Variants in TARBP1 observed in about 807,000 individuals in gnomAD.
The protein encoded by TARBP1 is tRNA (guanosine(18)-2'-O)-methyltransferase TARBP1.
In TARBP1, 144 loss-of-function variants were observed where a neutral mutation model predicts 178.6. That is an observed-to-expected ratio of 0.81 (90% confidence interval 0.70 to 0.93). The LOEUF is 0.93. Among genes scored for constraint, TARBP1 ranks in the 40% least tolerant of loss-of-function variants. TARBP1 has a pLI of 0.00. For synonymous variants in TARBP1, 787 were observed against 781.0 expected (o/e 1.01, Z -0.13); for missense variants, 2,067 against 2,011.7 (o/e 1.03, Z -0.53).
chr1:234,427,978 A>G (rs1445213639), intron 17 of TARBP1, among the ~76,000 whole-genome samples: 2 of 152,218 alleles, frequency 1.3e-5, no homozygotes, highest in Admixed American at 6.5e-5. Context: ...ACTGATAGTG[A>G]TATTCATCCA....
intron 14 of TARBP1, 126 bp downstream of exon 14, chr1:234,433,284 G>T: frequency 1.0e-6 from 1 of 973,866 alleles, no homozygotes. Flanking sequence ...TCACTAGAGG[G>T]TATATTTTAA....
At chr1:234,435,825 A>C (rs1049864703) in intron 13 of TARBP1, among the ~76,000 whole-genome samples, 1 of 152,200 alleles carries the variant, frequency 6.6e-6, no homozygotes, top group Non-Finnish European at 1.5e-5. Flanking sequence ...ACCGAAGATC[A>C]TATCTCTTTC....
At position 234,478,887 on chromosome 1, in the gene TARBP1, G is replaced by A. The variant is rs1001899071; in HGVS notation, c.217C>T (p.Leu73=). Residue 73 remains leucine, a synonymous_variant, in exon 1 of 30, where the codon CTG becomes TTG. Coordinates refer to ENST00000040877, the MANE Select transcript of TARBP1 (RefSeq NM_005646.4). The part of the protein sequence containing the change: ...EVAAGYLVPL[L]RSLRGRPAGG... Reference sequence around the variant, plus strand: ...GCGGGGCGTCCGCGCAGGCTCCGCAGCAGTGGCACGAGGTACCCTGCAGCC... The same window carrying A: ...GCGGGGCGTCCGCGCAGGCTCCGCAACAGTGGCACGAGGTACCCTGCAGCC... 4.3e-5 allele frequency: 58 copies of A among 1,361,092 alleles called. No individual in the cohort carries two copies. Among genetic ancestry groups the A allele is most frequent in the Non-Finnish European group, 5.5e-5 (58 of 1,063,402 alleles). 84.3% of individuals were successfully genotyped at this position (1,361,092 alleles called of 1,614,324 possible).
chr1:234,395,415 G>A (rs762245397), intron 26 of TARBP1, among the ~76,000 whole-genome samples: 13 of 152,210 alleles, frequency 8.5e-5, no homozygotes, highest in Non-Finnish European at 1.6e-4. Flanking sequence ...GACAAGGCAA[G>A]AGGGGCTAAA....
Position 234,433,407 on chromosome 1 carries a change from T to G in TARBP1, c.2394+3A>C. 1 of 1,613,486 alleles carries G rather than the reference T, an allele frequency of 6.2e-7. No homozygotes were observed. Among genetic ancestry groups the G allele is most frequent in the Admixed American group, 1.7e-5 (1 of 59,742 alleles). On this transcript the variant is annotated splice_donor_region_variant and intron_variant, in intron 14 of 29. Transcript: ENST00000040877. Reference sequence around the variant, plus strand: ...CTACAAACCTTGAATCAAAGAGGCTTACCTGTCCACTGTCCATCTCTTGAA... The same window carrying G: ...CTACAAACCTTGAATCAAAGAGGCTGACCTGTCCACTGTCCATCTCTTGAA...
chr1:234,434,636 T>C (rs1055982473), intron 13 of TARBP1, among the ~76,000 whole-genome samples: 3 of 152,202 alleles, frequency 2.0e-5, no homozygotes, highest in African/African-American at 7.2e-5. Context: ...GACACCATCA[T>C]AGAGCAAGCA....
At position 234,429,534 on chromosome 1, in the gene TARBP1, A is replaced by G. The variant is rs760303520; in HGVS notation, c.2753T>C (p.Phe918Ser). 1 of 1,614,170 alleles carries G rather than the reference A, an allele frequency of 6.2e-7. No homozygotes were observed. ...PTTGSEILEP[F>S]LPAVQMPIRT... ...TATTGGCATCTGAACGGCAGGTAGA[A>G]ACGGTTCCAGAATTTCACTCCCTGT... The change falls in exon 16 of 30, where the codon TTT (phenylalanine) becomes TCT (serine). Residue 918 changes from phenylalanine (F) to serine (S), a missense_variant. Phe to Ser is a radical substitution (Grantham distance 155). Transcript: ENST00000040877.
chr1:234,392,886 T>A (rs1052746283), intron 28 of TARBP1, among the ~76,000 whole-genome samples: 4 of 152,050 alleles, frequency 2.6e-5, no homozygotes, highest in Admixed American at 6.6e-5. Context: ...AATTTTTTTT[T>A]ATTTTTTATT....
Position 234,467,706 on chromosome 1 carries a change from A to G in TARBP1, c.1100-56T>C, listed in dbSNP as rs77758335. On this transcript the variant is annotated intron_variant, in intron 3 of 29. Transcript: ENST00000040877. ...TGATTCTGTCTTCATTTCACCATCA[A>G]GACTACATACTCATAAATAATGTAC... 1.8e-4 allele frequency: 258 copies of G among 1,469,168 alleles called. No homozygotes were observed. The East Asian group carries it at 5.6e-3, about 32-fold the overall frequency. 91.0% of individuals were successfully genotyped at this position (1,469,168 alleles called of 1,614,324 possible). A position where few individuals can be genotyped will look rare whatever the true frequency, so the allele number is the denominator to read the frequency against.
chr1:234,446,531 C>T (rs1288088972), intron 12 of TARBP1, among the ~76,000 whole-genome samples: 4 of 151,786 alleles, frequency 2.6e-5, no homozygotes, highest in African/African-American at 7.3e-5. Context: ...TAGTAACCAA[C>T]ACACGGAAAC....
chr1:234,418,098 C>A lies in TARBP1; in HGVS notation c.3691G>T (p.Asp1231Tyr). ...TCTTTACTTACATAAGAAAAACAAT[C>A]CCAGAACTTTGGAAGAAATTGAGGG... ...KFPQFLPKFW[D>Y]CFSYGEENLK... is the part of the protein sequence containing the mutation. The change falls in exon 22 of 30, where the codon GAT becomes TAT. Residue 1231 changes from aspartate to tyrosine, a missense_variant. Transcript: ENST00000040877. 1 of 1,393,752 alleles carries A rather than the reference C, an allele frequency of 7.2e-7. No homozygotes were observed. The highest frequency in any genetic ancestry group is 9.6e-7 in the Non-Finnish European group (1 of 1,044,318). 86.3% of individuals were successfully genotyped at this position (1,393,752 alleles called of 1,614,324 possible).
At chr1:234,450,597 T>A (rs1336710033) in intron 9 of TARBP1, 31 bp from the exon 10 acceptor site, 4 of 1,593,120 alleles carry the variant, frequency 2.5e-6, no homozygotes, top group South Asian at 2.3e-5. Context: ...TACTTTATTT[T>A]AAAAACCTAA....
chr1:234,405,949 C>T lies in TARBP1; in HGVS notation c.3943G>A (p.Val1315Met). 1 of 1,614,202 alleles carries T rather than the reference C, an allele frequency of 6.2e-7. No homozygotes were observed. The highest frequency in any genetic ancestry group is 8.5e-7 in the Non-Finnish European group (1 of 1,180,044). The change falls in exon 24 of 30, where the codon GTG (valine) becomes ATG (methionine). Residue 1315 changes from valine to methionine, a missense_variant. Coordinates refer to ENST00000040877, the MANE Select transcript of TARBP1 (RefSeq NM_005646.4). ...ACTTGATGGAGGCTGGATTCAATCA[C>T]AGGAGTCAGGGCATCAAATTCTTCA... is the stretch of plus-strand genomic sequence containing the variant. ...SVEEFDALTPVIESSLHQVES... is the reference protein window; with the variant it reads ...SVEEFDALTPMIESSLHQVES...
At chr1:234,448,674 TATTAA>T in intron 10 of TARBP1, 95 bp from the exon 11 acceptor site, 6 of 885,068 alleles carry the variant, frequency 6.8e-6, no homozygotes, top group Non-Finnish European at 1.1e-5. Context: ...GCCTTATTAA[TATTAA>T]ATTATGAGAG....
chr1:234,420,958 A>G, intron 20 of TARBP1, 146 bp from the exon 21 acceptor site: 1 of 460,460 alleles, frequency 2.2e-6, no homozygotes, highest in Non-Finnish European at 3.9e-6. Flanking sequence ...GGAGGATGAG[A>G]AAAAGAATGG....
chr1:234,446,072 A>G (rs900645948), intron 12 of TARBP1, among the ~76,000 whole-genome samples: 7 of 152,148 alleles, frequency 4.6e-5, no homozygotes, highest in Admixed American at 6.6e-5. Context: ...TCATAAGCAT[A>G]TATGAAAATA....
chr1:234,432,135 CAAAA>C (rs72281584), intron 14 of TARBP1, among the ~76,000 whole-genome samples: 2 of 94,346 alleles, frequency 2.1e-5, no homozygotes. Flanking sequence ...ACTCCGTCTC[CAAAA>C]AAAAAAAAAA....
intron 20 of TARBP1, 69 bp downstream of exon 20, chr1:234,425,604 C>T (rs1449408164): frequency 6.9e-7 from 1 of 1,456,856 alleles, no homozygotes; most frequent in Non-Finnish European, 9.5e-7. Context: ...CATATTCTAG[C>T]AACATAAAGA....
At position 234,398,362 on chromosome 1, in the gene TARBP1, A is replaced by C; in HGVS notation, c.4243+20T>G. On this transcript the variant is annotated intron_variant, in intron 26 of 29. Coordinates refer to ENST00000040877, the MANE Select transcript of TARBP1 (RefSeq NM_005646.4). ...ACCAGATCAACAAGGGGAAAAAATAAAATGAAAATTATTTTTTACCTATGT... is the reference window on the plus strand; with the variant it reads ...ACCAGATCAACAAGGGGAAAAAATACAATGAAAATTATTTTTTACCTATGT... The C allele has an allele frequency of 6.4e-7, 1 of 1,556,926 alleles. No individual in the cohort carries two copies. Among genetic ancestry groups the C allele is most frequent in the African/African-American group, 1.4e-5 (1 of 73,292 alleles).
Sources: gnomAD v4.1 joint callset for allele counts (sites outside exome capture counted in the v4.1 genomes callset) on GRCh38, gnomAD v4.1.1 for gene constraint, MANE v1.5 for transcripts, NCBI Gene and HGNC (gene_info 2026-07-23, HGNC 2026-07-21) for gene names.